Variants in ABI3BP observed in about 807,000 individuals in gnomAD.
ABI3BP encodes the protein target of Nesh-SH3.
ABI3BP carries 216 observed loss-of-function variants against 268.6 expected under a neutral mutation model. That is an observed-to-expected ratio of 0.80 (90% CI 0.72 to 0.90). ABI3BP has a LOEUF of 0.90. ABI3BP is among the 40% of genes least tolerant of loss of function. The pLI is 0.00. For missense variants in ABI3BP, 2,090 were observed against 2,182.4 expected, an observed-to-expected ratio of 0.96 and a Z score of 0.84; for synonymous variants, 730 against 730.0, an observed-to-expected ratio of 1.00 and a Z score of 0.00.
intron 62 of ABI3BP, 63 bp from the exon 63 acceptor site, chr3:100,766,012 G>T: frequency 8.0e-7 from 1 of 1,253,182 alleles, no homozygotes; most frequent in Non-Finnish European, 1.1e-6. Flanking sequence ...AATTGCTCCT[G>T]AAGCTAATAG....
intron 63 of ABI3BP, among the ~76,000 whole-genome samples, chr3:100,760,583 C>T (rs7628413): frequency 0.38 from 58,147 of 151,888 alleles, 11,293 homozygotes; most frequent in South Asian, 0.48. Context: ...GTTCTCTGGC[C>T]GACTCCATGC....
chr3:100,876,751 G>A (rs1038977634), intron 6 of ABI3BP, among the ~76,000 whole-genome samples, 191 bp from the exon 7 acceptor site: 5 of 151,886 alleles, frequency 3.3e-5, no homozygotes, highest in South Asian at 2.1e-4. Flanking sequence ...AGGCTGAGGC[G>A]GGTGGATCAC....
At chr3:100,885,714 A>G (rs2041673933) in intron 5 of ABI3BP, 126 bp from the exon 6 acceptor site, 1 of 555,598 alleles carries the variant, frequency 1.8e-6, no homozygotes, top group Non-Finnish European at 3.1e-6. Flanking sequence ...AATCACTATC[A>G]TTTTAAACAC....
chr3:100,839,500 G>A (rs2098659547), intron 24 of ABI3BP, 69 bp downstream of exon 24: 1 of 1,464,486 alleles, frequency 6.8e-7, no homozygotes, highest in Non-Finnish European at 9.2e-7. Context: ...AGTCATGCCT[G>A]TAATGGAGAG....
rs975671782 is a variant in ABI3BP at position 100,750,005 on chromosome 3, A to G, written c.*490T>C. ...ATATAAAAAATTGAAGTTTAAATATAAATGTGAAAATTCGGACCTTTTTTC... is the reference window on the plus strand; with the variant it reads ...ATATAAAAAATTGAAGTTTAAATATGAATGTGAAAATTCGGACCTTTTTTC... On this transcript the variant is annotated 3_prime_UTR_variant, in exon 68 of 68. Transcript: ENST00000471714. The G allele has an allele frequency of 9.0e-6, 3 of 332,076 alleles. No individual in the cohort carries two copies. The highest frequency in any genetic ancestry group is 6.4e-5 in the African/African-American group (3 of 46,882). The allele number at this position is 332,076 out of a possible 1,614,324, so 20.6% of individuals were successfully genotyped here. A position where few individuals can be genotyped will look rare whatever the true frequency, so the allele number is the denominator to read the frequency against.
intron 63 of ABI3BP, among the ~76,000 whole-genome samples, chr3:100,754,972 CAT>C (rs1454110919): frequency 6.6e-6 from 1 of 152,118 alleles, no homozygotes; most frequent in Non-Finnish European, 1.5e-5. Flanking sequence ...GGTTAATAAA[CAT>C]ATAAGAAAGT....
chr3:100,907,493 G>T (rs143064338), intron 2 of ABI3BP, among the ~76,000 whole-genome samples: 1 of 151,866 alleles, frequency 6.6e-6, no homozygotes, highest in Non-Finnish European at 1.5e-5. Flanking sequence ...CCTTGTTTTG[G>T]GGGGGGAATA....
chr3:100,927,206 A>G (rs1170704253), intron 1 of ABI3BP, among the ~76,000 whole-genome samples: 1 of 152,134 alleles, frequency 6.6e-6, no homozygotes, highest in African/African-American at 2.4e-5. Flanking sequence ...CAAATTCTCA[A>G]GACATTTATT....
At chr3:100,850,169 G>T in intron 16 of ABI3BP, 50 bp from the exon 17 acceptor site, 1 of 1,523,264 alleles carries the variant, frequency 6.6e-7, no homozygotes, top group East Asian at 2.3e-5. Flanking sequence ...TTAAAATGAG[G>T]TATTTGAAGA....
intron 34 of ABI3BP, 42 bp from the exon 35 acceptor site, chr3:100,825,886 T>C: frequency 7.2e-7 from 1 of 1,397,054 alleles, no homozygotes; most frequent in South Asian, 1.2e-5. Flanking sequence ...AAAAAATGTG[T>C]GGGAGCTATA....
chr3:100,819,821 C>T (rs112368836), intron 40 of ABI3BP, among the ~76,000 whole-genome samples: 21,414 of 151,552 alleles, frequency 0.14, 1,957 homozygotes, highest in South Asian at 0.27. Flanking sequence ...TGGTGGCACG[C>T]GCCTGCAATC....
At chr3:100,808,139 A>C (rs766097410) in intron 50 of ABI3BP, 22 bp downstream of exon 50, 2 of 1,603,914 alleles carry the variant, frequency 1.2e-6, no homozygotes, top group Non-Finnish European at 1.7e-6. Flanking sequence ...TTTTCAAGCT[A>C]AAATGTAAAA....
intron 1 of ABI3BP, among the ~76,000 whole-genome samples, chr3:100,979,941 T>C (rs1387268705): frequency 6.6e-6 from 1 of 152,242 alleles, no homozygotes; most frequent in Non-Finnish European, 1.5e-5. Flanking sequence ...GAATTTTGAC[T>C]AACCTGTACT....
At chr3:100,925,407 A>C (rs578232338) in intron 2 of ABI3BP, among the ~76,000 whole-genome samples, 65 of 125,350 alleles carry the variant, frequency 5.2e-4, no homozygotes, top group Non-Finnish European at 9.8e-4. Context: ...GATCCTTTAA[A>C]TATTTATATA....
intron 1 of ABI3BP, among the ~76,000 whole-genome samples, chr3:100,985,503 C>T (rs2713760): frequency 1 from 152,224 of 152,252 alleles, 76,098 homozygotes; most frequent in Non-Finnish European, 1. Context: ...TGTTCATTAC[C>T]TACTATGTTA....
intron 20 of ABI3BP, chr3:100,843,519 A>ATG (rs529259315): frequency 0.081 from 66,088 of 816,554 alleles, 842 homozygotes; most frequent in Admixed American, 0.15. Flanking sequence ...GAGGGAGAGG[A>ATG]TGTGTGTGTG....
intron 17 of ABI3BP, among the ~76,000 whole-genome samples, chr3:100,849,710 T>C (rs551978108): frequency 5.9e-4 from 90 of 152,354 alleles, no homozygotes; most frequent in African/African-American, 2.1e-3. Flanking sequence ...TAAAATACTT[T>C]GATCAAATGG....
intron 39 of ABI3BP, among the ~76,000 whole-genome samples, chr3:100,820,795 C>A (rs2098195047): frequency 6.6e-6 from 1 of 152,102 alleles, no homozygotes; most frequent in Non-Finnish European, 1.5e-5. Flanking sequence ...GGTTAAAAAA[C>A]ACACTGGATG....
chr3:100,983,148 C>T lies in ABI3BP; in HGVS notation c.79+10158G>A, dbSNP rs569350403. ...TAACGAGAAAGGATATCTGAAGCTC[C>T]ACCTTGGCATCACCTTGTAAGCAAA... On this transcript the variant is annotated intron_variant, in intron 1 of 67. Coordinates refer to ENST00000471714, the MANE Select transcript of ABI3BP (RefSeq NM_001375547.2). Among the ~76,000 whole-genome samples the T allele has an allele frequency of 4.5e-4, 68 of 152,284 alleles. 1 individual carries two copies. Among genetic ancestry groups the T allele is most frequent in the Non-Finnish European group, 7.4e-4 (50 of 68,024 alleles).
Sources: allele counts gnomAD v4.1 joint callset (sites outside exome capture counted in the v4.1 genomes callset), GRCh38; gene constraint gnomAD v4.1.1; transcripts MANE v1.5; gene names NCBI Gene and HGNC (gene_info 2026-07-23, HGNC 2026-07-21).